Variants in PSD3 observed in about 807,000 individuals in gnomAD.
The protein encoded by PSD3 is PH and SEC7 domain-containing protein 3.
PSD3 carries 49 observed loss-of-function variants against 105.5 expected under a neutral mutation model. The observed-to-expected ratio is 0.46, with a 90% CI of 0.37 to 0.59. The LOEUF (loss-of-function observed/expected upper bound fraction) is 0.59, where lower values mean the gene tolerates loss of function less well. Ranked by LOEUF, PSD3 falls within the 20% of genes least tolerant of loss-of-function variation. PSD3 has a pLI of 0.00. For synonymous variants in PSD3, 557 were observed against 457.8 expected, an observed-to-expected ratio of 1.22 and a Z score of -2.77; for missense variants, 1,561 against 1,263.8, an observed-to-expected ratio of 1.24 and a Z score of -3.57.
At chr8:18,752,577 T>TA (rs374286358) in intron 9 of PSD3, among the ~76,000 whole-genome samples, 2,031 of 74,234 alleles carry the variant, frequency 0.027, 40 homozygotes, top group African/African-American at 0.034. Flanking sequence ...ATATATATAA[T>TA]TATATATATT....
chr8:18,615,749 G>A (rs1805611683), intron 11 of PSD3, among the ~76,000 whole-genome samples: 2 of 152,170 alleles, frequency 1.3e-5, no homozygotes, highest in Admixed American at 6.5e-5. Flanking sequence ...GCAGGTAACT[G>A]CTGAATCAGA....
rs139864142 is a variant in PSD3, at chr8:18,671,901, A to G, written c.2173-16216T>C. Among the ~76,000 whole-genome samples the G allele has an allele frequency of 2.0e-3, 308 of 152,186 alleles. 2 individuals carry two copies. Among genetic ancestry groups the G allele is most frequent in the African/African-American group, 6.3e-3 (263 of 41,530 alleles). ...CCGCCTTGGCCTCCCAAAGTGCTGG[A>G]ATTACAGGCGTGAGCCACTGCGCCG... On this transcript the variant is annotated intron_variant, in intron 9 of 15. Coordinates refer to ENST00000327040, the MANE Select transcript of PSD3 (RefSeq NM_015310.4).
At chr8:18,567,995 G>A (rs1034156487) in intron 14 of PSD3, among the ~76,000 whole-genome samples, 3 of 152,184 alleles carry the variant, frequency 2.0e-5, no homozygotes, top group Admixed American at 6.5e-5. Context: ...AAAGTGGGTT[G>A]TTAAAAAGAG....
At chr8:18,968,643 G>A (rs1170396655) in intron 1 of PSD3, among the ~76,000 whole-genome samples, 3 of 152,120 alleles carry the variant, frequency 2.0e-5, no homozygotes, top group Admixed American at 6.5e-5. Flanking sequence ...TTGGGAGACC[G>A]AGGCAGGCAG....
At chr8:18,755,603 A>T (rs2129440744) in intron 9 of PSD3, among the ~76,000 whole-genome samples, 1 of 152,304 alleles carries the variant, frequency 6.6e-6, no homozygotes, top group Non-Finnish European at 1.5e-5. Flanking sequence ...CCCACTGGGA[A>T]TCATTAATAT....
At chr8:19,003,507 T>C (rs1427541770) in intron 1 of PSD3, among the ~76,000 whole-genome samples, 6 of 152,072 alleles carry the variant, frequency 3.9e-5, no homozygotes, top group Admixed American at 3.9e-4. Flanking sequence ...GTAGAGATTA[T>C]GTAAAATGTT....
chr8:19,027,222 CAAAAAA>C (rs1340008434), intron 1 of PSD3, among the ~76,000 whole-genome samples: 1 of 151,592 alleles, frequency 6.6e-6, no homozygotes, highest in Non-Finnish European at 1.5e-5. Context: ...GGGAAAAAAA[CAAAAAA>C]GAAAAAGAAA....
intron 9 of PSD3, among the ~76,000 whole-genome samples, chr8:18,670,889 T>G (rs968794732): frequency 6.6e-6 from 1 of 152,120 alleles, no homozygotes; most frequent in Admixed American, 6.6e-5. Context: ...GGATTTTCAA[T>G]GTATAATCTT....
chr8:19,079,693 G>A (rs377140062), intron 1 of PSD3, among the ~76,000 whole-genome samples: 12 of 152,186 alleles, frequency 7.9e-5, no homozygotes, highest in African/African-American at 2.9e-4. Context: ...TGCAATACCG[G>A]TCCAAAATTC....
At chr8:18,552,157 T>G (rs545698815) in intron 15 of PSD3, among the ~76,000 whole-genome samples, 1 of 152,340 alleles carries the variant, frequency 6.6e-6, no homozygotes, top group East Asian at 1.9e-4. Flanking sequence ...GGCTTTACAA[T>G]GACCTGAAAG....
intron 9 of PSD3, among the ~76,000 whole-genome samples, chr8:18,760,613 A>G (rs1806435360): frequency 6.6e-6 from 1 of 152,226 alleles, no homozygotes; most frequent in Non-Finnish European, 1.5e-5. Flanking sequence ...GTGCATATCT[A>G]CCACATTTTA....
At chr8:18,944,764 A>G (rs1822758589) in intron 1 of PSD3, among the ~76,000 whole-genome samples, 1 of 152,056 alleles carries the variant, frequency 6.6e-6, no homozygotes, top group African/African-American at 2.4e-5. Context: ...GGCTGAATTT[A>G]TTGCTTTTTT....
chr8:18,537,923 C>T (rs553113798), intron 15 of PSD3, among the ~76,000 whole-genome samples: 81 of 152,284 alleles, frequency 5.3e-4, no homozygotes, highest in Middle Eastern at 3.4e-3. Context: ...GTGATCCACC[C>T]GCCTCGGCCT....
intron 9 of PSD3, among the ~76,000 whole-genome samples, chr8:18,708,288 C>G (rs185185018): frequency 6.6e-6 from 1 of 152,202 alleles, no homozygotes; most frequent in East Asian, 1.9e-4. Context: ...AACAGTAATT[C>G]CTCTACATTG....
intron 11 of PSD3, among the ~76,000 whole-genome samples, chr8:18,603,675 G>C (rs1253090530): frequency 6.6e-6 from 1 of 152,156 alleles, no homozygotes; most frequent in Non-Finnish European, 1.5e-5. Context: ...GTGTAGCCTG[G>C]TGGGAGGTGA....
At chr8:19,002,850 T>C (rs184801039) in intron 1 of PSD3, among the ~76,000 whole-genome samples, 1 of 152,084 alleles carries the variant, frequency 6.6e-6, no homozygotes, top group Admixed American at 6.6e-5. Context: ...ATTTTTCTCC[T>C]GGCTTCCATA....
intron 1 of PSD3, among the ~76,000 whole-genome samples, chr8:19,049,084 A>T (rs1828424922): frequency 4.6e-5 from 7 of 152,066 alleles, no homozygotes; most frequent in Admixed American, 2.6e-4. Flanking sequence ...ACCTCTTTAA[A>T]TCCCTATCTA....
intron 8 of PSD3, among the ~76,000 whole-genome samples, chr8:18,767,763 A>G (rs1384509041): frequency 6.6e-6 from 1 of 152,044 alleles, no homozygotes; most frequent in African/African-American, 2.4e-5. Flanking sequence ...AGATAAATAA[A>G]TAAAAAATAA....
intron 4 of PSD3, among the ~76,000 whole-genome samples, chr8:18,812,928 C>T (rs1811820139): frequency 6.6e-6 from 1 of 152,092 alleles, no homozygotes; most frequent in African/African-American, 2.4e-5. Context: ...AAGAGAGGAA[C>T]AACAATCAGA....
Sources: allele counts gnomAD v4.1 joint callset (sites outside exome capture counted in the v4.1 genomes callset), GRCh38; gene constraint gnomAD v4.1.1; transcripts MANE v1.5; gene names NCBI Gene and HGNC (gene_info 2026-07-23, HGNC 2026-07-21).